Variants in SOD2 observed in about 807,000 individuals in gnomAD.
The protein encoded by SOD2 is superoxide dismutase 2.
SOD2 carries 11 observed loss-of-function variants against 27.0 expected under a neutral mutation model. The observed-to-expected ratio is 0.41, with a 90% CI of 0.26 to 0.67. The LOEUF (loss-of-function observed/expected upper bound fraction) is 0.67, where lower values mean the gene tolerates loss of function less well. Ranked by LOEUF, SOD2 falls within the 30% of genes least tolerant of loss-of-function variation. The pLI is 0.34. For missense variants in SOD2, 250 were observed against 274.5 expected, an observed-to-expected ratio of 0.91 and a Z score of 0.63; for synonymous variants, 105 against 103.0, an observed-to-expected ratio of 1.02 and a Z score of -0.12.
intron 1 of SOD2, among the ~76,000 whole-genome samples, chr6:159,709,663 T>G (rs181835720): frequency 0.012 from 1,826 of 152,240 alleles, 44 homozygotes; most frequent in African/African-American, 0.042. Context: ...TTTTACACTG[T>G]TGGTGGGACT....
At chr6:159,713,617 A>G (rs1777871166) in intron 1 of SOD2, 5 of 1,011,378 alleles carry the variant, frequency 4.9e-6, no homozygotes, top group South Asian at 4.0e-5. Context: ...GAAATGAACA[A>G]TCTCTTCCTT....
rs1397872602 is a variant in SOD2, at chr6:159,672,063, A to C, written c.*10430T>G. On this transcript the variant is annotated 3_prime_UTR_variant, in exon 5 of 5. Transcript: ENST00000538183. Reference sequence around the variant, plus strand: ...GAGAAAAAAGAGTAAAAAGAAACGAACAAAGCTTCCAAGAAATATGGGACT... The same window carrying C: ...GAGAAAAAAGAGTAAAAAGAAACGACCAAAGCTTCCAAGAAATATGGGACT... The C allele has an allele frequency of 6.6e-6, 1 of 152,210 alleles. No individual in the cohort carries two copies. Among genetic ancestry groups the C allele is most frequent in the Non-Finnish European group, 1.5e-5 (1 of 68,042 alleles). 9.4% of individuals were successfully genotyped at this position (152,210 alleles called of 1,614,324 possible). A position where few individuals can be genotyped will look rare whatever the true frequency, so the allele number is the denominator to read the frequency against.
At chr6:159,762,021 G>T (rs748392310) in exon 1 of SOD2, 2 of 1,583,988 alleles carry the variant, frequency 1.3e-6, no homozygotes, top group Admixed American at 3.5e-5. Flanking sequence ...GCAGGCCTGT[G>T]GGCTGCGAGG....
chr6:159,751,725 G>A lies in SOD2; in HGVS notation c.-335-3049C>T, dbSNP rs548505356. ...GGTTGAACTCTTCAGGTATTTTCTG[G>A]AAGAAAGCTTAATTACAAACTTTTC... On this transcript the variant is annotated intron_variant, in intron 1 of 7. Coordinates refer to the SOD2 transcript ENST00000546087. Among the ~76,000 whole-genome samples the A allele has an allele frequency of 4.6e-5, 7 of 152,284 alleles. No homozygotes were observed. In the East Asian group the frequency reaches 7.7e-4, roughly 17 times the overall value.
exon 1 of SOD2, chr6:159,762,142 G>A: frequency 6.2e-7 from 1 of 1,611,502 alleles, no homozygotes; most frequent in Non-Finnish European, 8.5e-7. Context: ...GACCATCATA[G>A]GTGAGTGGCC....
At chr6:159,754,265 A>G (rs914949429) in intron 1 of SOD2, among the ~76,000 whole-genome samples, 6 of 152,216 alleles carry the variant, frequency 3.9e-5, no homozygotes, top group African/African-American at 1.4e-4. Flanking sequence ...CCTTTTCAAA[A>G]TCTTCAGGAA....
At chr6:159,717,942 T>C (rs1444868949) in intron 1 of SOD2, among the ~76,000 whole-genome samples, 1 of 151,914 alleles carries the variant, frequency 6.6e-6, no homozygotes, top group African/African-American at 2.4e-5. Context: ...TGTGTATATA[T>C]ATATACACTC....
At chr6:159,729,738 C>G (rs572638496), upstream of SOD2, among the ~76,000 whole-genome samples, 1 of 152,318 alleles carries the variant, frequency 6.6e-6, no homozygotes, top group South Asian at 2.1e-4. Flanking sequence ...CCTTTCAGTT[C>G]CTCATCAGTA....
intron 1 of SOD2, among the ~76,000 whole-genome samples, chr6:159,732,886 A>ATAGTGTGTGTGTGT (rs146623701): frequency 7.9e-4 from 115 of 146,486 alleles, no homozygotes; most frequent in African/African-American, 2.7e-3. Flanking sequence ...ATATATATAT[A>ATAGTGTGTGTGTGT]GTGTGTGTGT....
chr6:159,694,824 G>C (rs1212814096), upstream of SOD2, among the ~76,000 whole-genome samples: 1 of 150,614 alleles, frequency 6.6e-6, no homozygotes, highest in South Asian at 2.1e-4. Flanking sequence ...GGATGGTCTC[G>C]AACGCCTGAC....
chr6:159,698,274 AAAAC>A (rs113474424), upstream of SOD2, among the ~76,000 whole-genome samples: 38 of 148,058 alleles, frequency 2.6e-4, no homozygotes, highest in East Asian at 4.4e-3. Flanking sequence ...CTCAGTGTCA[AAAAC>A]AAACAAACAA....
At chr6:159,713,986 C>T in intron 1 of SOD2, 3 of 800,010 alleles carry the variant, frequency 3.7e-6, no homozygotes, top group Non-Finnish European at 4.0e-6. Flanking sequence ...TGCTCAGCAT[C>T]GTGGCGACTG....
rs146820451 is a variant in SOD2, at chr6:159,732,850, T to TTCTCTC, written c.-116+12274_-116+12279dup. Among the ~76,000 whole-genome samples the TTCTCTC allele has an allele frequency of 5.4e-5, 8 of 147,754 alleles. No individual in the cohort carries two copies. In the East Asian group the frequency reaches 1.2e-3, roughly 22 times the overall value. ...AGGGGGAGTGTCTCTGTCTGCTTCT[T>TTCTCTC]TCTCTCTCTCTCTCTCTCTCTCTGT... On this transcript the variant is annotated intron_variant, in intron 1 of 3. Transcript: ENST00000537657.
rs1019433510 is a variant in SOD2 at position 159,692,929 on chromosome 6, C to G, written c.24-66G>C. On this transcript the variant is annotated intron_variant, in intron 1 of 4. Coordinates refer to ENST00000538183, the MANE Select transcript of SOD2 (RefSeq NM_000636.4). ...GGACCGTCTACGCAGGCTGGGCTGC[C>G]GAGGAACGGCAGCGCGCGGCGTCCC... 3.4e-5 allele frequency: 48 copies of G among 1,421,034 alleles called. No individual in the cohort carries two copies. The South Asian group carries it at 6.7e-4, about 20-fold the overall frequency. 88.0% of individuals were successfully genotyped at this position (1,421,034 alleles called of 1,614,324 possible). A position where few individuals can be genotyped will look rare whatever the true frequency, so the allele number is the denominator to read the frequency against.
chr6:159,697,079 A>ACACACACG (rs1491257731), upstream of SOD2, among the ~76,000 whole-genome samples: 10 of 149,510 alleles, frequency 6.7e-5, no homozygotes, highest in African/African-American at 2.5e-4. Flanking sequence ...ACACACACAC[A>ACACACACG]CGCAGTCAGC....
At chr6:159,719,460 G>A (rs1030846504) in intron 1 of SOD2, among the ~76,000 whole-genome samples, 2 of 151,802 alleles carry the variant, frequency 1.3e-5, no homozygotes, top group African/African-American at 2.4e-5. Context: ...CCAAGGAGGC[G>A]GAGGTTGCAG....
chr6:159,745,751 G>A (rs1215154102), upstream of SOD2, among the ~76,000 whole-genome samples: 1 of 152,180 alleles, frequency 6.6e-6, no homozygotes, highest in Non-Finnish European at 1.5e-5. Context: ...GAGTATGAAA[G>A]ATAGATTTGA....
intron 1 of SOD2, chr6:159,736,347 C>T (rs1778913424): frequency 5.1e-6 from 7 of 1,375,620 alleles, no homozygotes; most frequent in Middle Eastern, 1.8e-4. Flanking sequence ...TTTTTGGGGG[C>T]TTTTTTAAGC....
At chr6:159,710,241 C>T (rs117647483) in intron 1 of SOD2, among the ~76,000 whole-genome samples, 10,615 of 148,402 alleles carry the variant, frequency 0.072, 473 homozygotes, top group Non-Finnish European at 0.096. Flanking sequence ...TCGTTGTGCA[C>T]ATGTACCCTA....
Sources: gnomAD v4.1 joint callset for allele counts (sites outside exome capture counted in the v4.1 genomes callset) on GRCh38, gnomAD v4.1.1 for gene constraint, MANE v1.5 for transcripts, NCBI Gene and HGNC (gene_info 2026-07-23, HGNC 2026-07-21) for gene names.